The following CEP112 variants were observed in gnomAD, a reference collection of about 807,000 sequenced individuals.
CEP112 encodes the protein centrosomal protein of 112 kDa.
In CEP112, 127 loss-of-function variants were observed where a neutral mutation model predicts 153.0. The observed-to-expected ratio is 0.83, with a 90% confidence interval of 0.72 to 0.96. The LOEUF (loss-of-function observed/expected upper bound fraction) is 0.96. Among genes scored for constraint, CEP112 ranks in the 40% least tolerant of loss-of-function variants. The probability of loss-of-function intolerance (pLI) is 0.00; values close to 1 mark genes in which losing one functional copy is unlikely to be tolerated. For synonymous variants in CEP112, 358 were observed against 374.4 expected, an observed-to-expected ratio of 0.96 and a Z score of 0.51; for missense variants, 1,089 against 1,101.2, an observed-to-expected ratio of 0.99 and a Z score of 0.16.
intron 17 of CEP112, among the ~76,000 whole-genome samples, chr17:65,965,172 C>T (rs1041270378): frequency 4.6e-5 from 7 of 152,124 alleles, no homozygotes; most frequent in Admixed American, 4.6e-4. Context: ...AGTTCATTTA[C>T]TTTATAACTA....
intron 21 of CEP112, among the ~76,000 whole-genome samples, chr17:65,754,599 T>C (rs2052110853): frequency 6.7e-6 from 1 of 148,548 alleles, no homozygotes; most frequent in South Asian, 2.1e-4. Context: ...CACAAGCTTC[T>C]GTCGCAAAAA....
chr17:65,796,493 T>A (rs1414130924), intron 21 of CEP112, among the ~76,000 whole-genome samples: 2 of 152,142 alleles, frequency 1.3e-5, no homozygotes, highest in African/African-American at 4.8e-5. Flanking sequence ...ATATAAACAT[T>A]TAAATTTCTT....
chr17:65,965,518 CTTTT>C (rs1555734628), intron 17 of CEP112, among the ~76,000 whole-genome samples: 2 of 122,088 alleles, frequency 1.6e-5, no homozygotes, highest in Middle Eastern at 3.8e-3. Context: ...CTTCTGCCCC[CTTTT>C]TTTTTTTTTT....
chr17:65,831,437 G>C (rs1309081450), intron 21 of CEP112, among the ~76,000 whole-genome samples: 1 of 151,918 alleles, frequency 6.6e-6, no homozygotes, highest in Non-Finnish European at 1.5e-5. Context: ...GGCACCTGTA[G>C]TCCCAGCTAC....
At chr17:65,794,413 T>C (rs2054782799) in intron 21 of CEP112, among the ~76,000 whole-genome samples, 1 of 152,186 alleles carries the variant, frequency 6.6e-6, no homozygotes, top group Admixed American at 6.6e-5. Context: ...TCTCCTTCTT[T>C]CCTTTCCTTC....
At chr17:65,887,651 G>A (rs2059327922) in intron 20 of CEP112, among the ~76,000 whole-genome samples, 1 of 152,192 alleles carries the variant, frequency 6.6e-6, no homozygotes, top group Non-Finnish European at 1.5e-5. Context: ...AGGGATGCAG[G>A]AGAGAGATAA....
intron 11 of CEP112, among the ~76,000 whole-genome samples, chr17:66,056,952 A>C (rs533634766): frequency 1.3e-5 from 2 of 152,336 alleles, no homozygotes; most frequent in South Asian, 4.1e-4. Context: ...CAGCTGGGGC[A>C]AAAGTCAAGA....
chr17:66,182,027 T>C (rs2146910919), intron 2 of CEP112: 2 of 152,344 alleles, frequency 1.3e-5, no homozygotes, highest in African/African-American at 4.8e-5. Context: ...GCATAATTTA[T>C]ATATCATACT....
chr17:65,959,050 A>G (rs2062102234), intron 18 of CEP112, among the ~76,000 whole-genome samples: 1 of 151,690 alleles, frequency 6.6e-6, no homozygotes, highest in African/African-American at 2.4e-5. Context: ...GAGAGGAGCA[A>G]CTCATCCCAG....
In CEP112 at chr17:65,635,646, A is replaced by G. The variant is rs1026976723; in HGVS notation, c.*325T>C. The G allele has an allele frequency of 2.1e-5, 8 of 378,118 alleles. No homozygotes were observed. The highest frequency in any genetic ancestry group is 3.3e-5 in the Non-Finnish European group (7 of 213,212). 23.4% of individuals were successfully genotyped at this position (378,118 alleles called of 1,614,324 possible). On this transcript the variant is annotated 3_prime_UTR_variant, in exon 27 of 27. Transcript: ENST00000535342. ...TACAAACGTGATTTTGATCGTACGC[A>G]ACTGGTAAAATTCTATGCAAAAGGA...
At chr17:66,007,305 T>C (rs1460022346) in intron 16 of CEP112, among the ~76,000 whole-genome samples, 1 of 152,208 alleles carries the variant, frequency 6.6e-6, no homozygotes, top group African/African-American at 2.4e-5. Context: ...AAATTTAAAG[T>C]ATCTCATAAA....
intron 8 of CEP112, among the ~76,000 whole-genome samples, chr17:66,071,546 T>C (rs932664108): frequency 6.6e-6 from 1 of 152,106 alleles, no homozygotes; most frequent in South Asian, 2.1e-4. Context: ...CTAAATACCA[T>C]GTGAGTGTGC....
intron 17 of CEP112, among the ~76,000 whole-genome samples, chr17:65,973,144 C>T (rs2062909386): frequency 6.6e-6 from 1 of 152,160 alleles, no homozygotes; most frequent in African/African-American, 2.4e-5. Context: ...AATGTAAAAC[C>T]TAAAACTATA....
intron 6 of CEP112, among the ~76,000 whole-genome samples, chr17:66,118,998 G>T (rs551143750): frequency 6.6e-6 from 1 of 152,272 alleles, no homozygotes; most frequent in Non-Finnish European, 1.5e-5. Context: ...TATACACCAA[G>T]GAATACTATG....
intron 23 of CEP112, among the ~76,000 whole-genome samples, chr17:65,731,061 A>G (rs189004479): frequency 1.8e-4 from 27 of 152,236 alleles, no homozygotes; most frequent in African/African-American, 6.3e-4. Flanking sequence ...AGTCTCTTTA[A>G]AGAACTATTT....
At chr17:65,976,248 A>G (rs939320875) in intron 17 of CEP112, among the ~76,000 whole-genome samples, 4 of 152,180 alleles carry the variant, frequency 2.6e-5, no homozygotes, top group African/African-American at 4.8e-5. Context: ...AGGATTCCCA[A>G]CCTTCACCTG....
chr17:65,649,665 G>A (rs1305073144), intron 24 of CEP112, among the ~76,000 whole-genome samples: 2 of 146,232 alleles, frequency 1.4e-5, no homozygotes, highest in Non-Finnish European at 3.0e-5. Flanking sequence ...GCTTCAGTGA[G>A]CTATGTTTGT....
intron 1 of CEP112, among the ~76,000 whole-genome samples, chr17:66,186,196 G>A (rs1049367094): frequency 1.3e-5 from 2 of 152,096 alleles, no homozygotes; most frequent in African/African-American, 4.8e-5. Context: ...GAGGCTCAAC[G>A]CTCCAACCAT....
Position 65,689,109 on chromosome 17 carries a change from A to T in CEP112, c.2697+20T>A, listed in dbSNP as rs1292774958. On this transcript the variant is annotated intron_variant, in intron 24 of 26. Transcript: ENST00000535342. Reference sequence around the variant, plus strand: ...CTAGAGAAAGTAAACAAGAGAGTCAAATAGTAAAGGAGAGGGTACCTGTTC... The same window carrying T: ...CTAGAGAAAGTAAACAAGAGAGTCATATAGTAAAGGAGAGGGTACCTGTTC... 1 of 1,549,902 alleles carries T rather than the reference A, an allele frequency of 6.5e-7. No homozygotes were observed. Among genetic ancestry groups the T allele is most frequent in the Admixed American group, 1.7e-5 (1 of 59,910 alleles).
Sources: allele counts gnomAD v4.1 joint callset (sites outside exome capture counted in the v4.1 genomes callset), GRCh38; gene constraint gnomAD v4.1.1; transcripts MANE v1.5; gene names NCBI Gene and HGNC (gene_info 2026-07-23, HGNC 2026-07-21).